GLT1D1: variants seen among roughly 807,000 people sequenced by gnomAD.
The protein encoded by GLT1D1 is glycosyltransferase 1 domain-containing protein 1.
GLT1D1 carries 21 observed loss-of-function variants against 28.7 expected under a neutral mutation model. The observed-to-expected ratio is 0.73, with a 90% CI of 0.52 to 1.05. The LOEUF is 1.05. Among genes scored for constraint, GLT1D1 ranks in the 50% least tolerant of loss-of-function variants. The pLI is 0.00. For synonymous variants in GLT1D1, 147 were observed against 124.8 expected, an observed-to-expected ratio of 1.18 and a Z score of -1.19; for missense variants, 343 against 330.6, an observed-to-expected ratio of 1.04 and a Z score of -0.29.
intron 7 of GLT1D1, 72 bp from the exon 12 acceptor site, chr12:128,982,857 A>C (rs1880472965): frequency 7.0e-7 from 1 of 1,418,644 alleles, no homozygotes; most frequent in South Asian, 1.2e-5. Context: ...ATGCAGACAC[A>C]GGATCTTGGG....
At position 128,888,724 on chromosome 12, in the gene GLT1D1, C is replaced by G; in HGVS notation, c.303C>G (p.Gly101=). The G allele has an allele frequency of 2.5e-6, 4 of 1,610,984 alleles. No homozygotes were observed. In the East Asian group the frequency reaches 6.7e-5, roughly 27 times the overall value. Residue 101 remains glycine, a synonymous_variant, in exon 3 of 8, where the codon GGC becomes GGG. Coordinates refer to ENST00000281703, the MANE Select transcript of GLT1D1 (RefSeq NM_144669.3). ...AGGCGGAAAAAAACACAGTCATGGGCAGAGTTCTTGAGGAAGCCAGGTAAT... is the reference window on the plus strand; with the variant it reads ...AGGCGGAAAAAAACACAGTCATGGGGAGAGTTCTTGAGGAAGCCAGGTAAT...
At chr12:128,937,938 G>A in intron 4 of GLT1D1, among the ~76,000 whole-genome samples, 1 of 152,154 alleles carries the variant, frequency 6.6e-6, no homozygotes, top group East Asian at 1.9e-4. Flanking sequence ...TTTATTAACA[G>A]TGCGAGAACA....
At chr12:128,960,011 T>A (rs553215872) in intron 7 of GLT1D1, among the ~76,000 whole-genome samples, 1 of 152,318 alleles carries the variant, frequency 6.6e-6, no homozygotes, top group East Asian at 1.9e-4. Context: ...TACAGCCTCT[T>A]GTAAGATACT....
At chr12:128,968,947 G>A (rs1165555130) in intron 7 of GLT1D1, among the ~76,000 whole-genome samples, 1 of 151,972 alleles carries the variant, frequency 6.6e-6, no homozygotes. Flanking sequence ...CTCCTCACTC[G>A]GCCCCGTCTT....
rs181159517 is a variant in GLT1D1, at chr12:128,854,684, A to T, written c.68+1035A>T. 1.6e-3 allele frequency among the ~76,000 whole-genome samples: 237 copies of T among 151,966 alleles called. 1 individual carries two copies. The highest frequency in any genetic ancestry group is 5.1e-3 in the African/African-American group (211 of 41,422). On this transcript the variant is annotated intron_variant, in intron 1 of 7. Transcript: ENST00000281703. ...GCTGATTTTTGTATTTTTAATAGAG[A>T]CAGGGTTTCACCATGTTGGCCAGGT...
chr12:128,863,987 C>A, intron 1 of GLT1D1: 13 of 268,512 alleles, frequency 4.8e-5, no homozygotes, highest in East Asian at 6.9e-5. Flanking sequence ...GATCTGAATA[C>A]TATCTGGAAG....
intron 3 of GLT1D1, among the ~76,000 whole-genome samples, chr12:128,891,365 G>C (rs1268534783): frequency 6.6e-6 from 1 of 152,144 alleles, no homozygotes; most frequent in Non-Finnish European, 1.5e-5. Flanking sequence ...CTGGCTGCTG[G>C]TGTTAGAAGA....
chr12:128,982,876 C>CA, intron 7 of GLT1D1, 53 bp from the exon 12 acceptor site: 1 of 1,583,658 alleles, frequency 6.3e-7, no homozygotes, highest in Non-Finnish European at 8.7e-7. Flanking sequence ...GGTGCATTTG[C>CA]AAAATCTCCC....
intron 4 of GLT1D1, among the ~76,000 whole-genome samples, chr12:128,918,969 T>C (rs893331678): frequency 7.9e-5 from 12 of 152,240 alleles, no homozygotes; most frequent in African/African-American, 2.9e-4. Context: ...TGTGTGCAAT[T>C]AGAAGTTGTA....
At chr12:128,870,040 A>G in intron 1 of GLT1D1, among the ~76,000 whole-genome samples, 1 of 149,946 alleles carries the variant, frequency 6.7e-6, no homozygotes, top group Admixed American at 6.7e-5. Flanking sequence ...CCTCCTGAAT[A>G]GCTGGCATTA....
intron 4 of GLT1D1, among the ~76,000 whole-genome samples, chr12:128,932,995 C>T (rs1874095471): frequency 6.6e-6 from 1 of 152,178 alleles, no homozygotes; most frequent in Non-Finnish European, 1.5e-5. Context: ...TCTGGACTCC[C>T]CCGGTCCCAC....
At chr12:128,945,422 C>T in intron 5 of GLT1D1, 53 bp downstream of exon 9, 2 of 1,366,302 alleles carry the variant, frequency 1.5e-6, no homozygotes, top group South Asian at 1.2e-5. Context: ...CTGAGTGGCC[C>T]CTGGGTTACC....
intron 4 of GLT1D1, among the ~76,000 whole-genome samples, chr12:128,919,578 A>T (rs1264321702): frequency 6.6e-6 from 1 of 152,226 alleles, no homozygotes; most frequent in Admixed American, 6.5e-5. Flanking sequence ...GCTTACCATT[A>T]TCTCACATAC....
chr12:128,929,171 G>A (rs1359518886), intron 4 of GLT1D1, among the ~76,000 whole-genome samples: 2 of 152,142 alleles, frequency 1.3e-5, no homozygotes, highest in African/African-American at 2.4e-5. Context: ...CATCTTTCCC[G>A]CACCTCAGTG....
chr12:128,862,965 G>A (rs114665308), intron 1 of GLT1D1, among the ~76,000 whole-genome samples: 1,533 of 152,270 alleles, frequency 0.01, 23 homozygotes, highest in African/African-American at 0.035. Context: ...GAATAGAGCC[G>A]ACCTAGTTCC....
intron 7 of GLT1D1, among the ~76,000 whole-genome samples, chr12:128,962,602 A>G (rs470651): frequency 0.42 from 63,909 of 152,080 alleles, 13,755 homozygotes; most frequent in Admixed American, 0.54. Flanking sequence ...CCTTGGGGTC[A>G]GACATACAGC....
chr12:128,886,244 C>T (rs1021327554), intron 2 of GLT1D1, among the ~76,000 whole-genome samples: 1 of 152,120 alleles, frequency 6.6e-6, no homozygotes, highest in Non-Finnish European at 1.5e-5. Flanking sequence ...TTGGGTATGT[C>T]GTTATCAACA....
intron 1 of GLT1D1, among the ~76,000 whole-genome samples, chr12:128,857,268 T>A (rs1054508809): frequency 1.3e-4 from 20 of 151,734 alleles, no homozygotes; most frequent in African/African-American, 4.6e-4. Context: ...TGCTAGGCCT[T>A]GGGGCTACAA....
In GLT1D1 at chr12:128,867,842, C is replaced by T. The variant is rs138123104; in HGVS notation, c.69-8072C>T. 9.3e-4 allele frequency among the ~76,000 whole-genome samples: 141 copies of T among 152,182 alleles called. 1 individual carries two copies. Among genetic ancestry groups the T allele is most frequent in the African/African-American group, 3.0e-3 (123 of 41,536 alleles). The stretch of plus-strand genomic sequence containing the variant: ...GAAAAGCTCGGAGGGACTGTGGGTC[C>T]GAGGGGGCAGAGGTCAATGGTCTGG... On this transcript the variant is annotated intron_variant, in intron 1 of 7. Transcript: ENST00000281703.
Sources: gnomAD v4.1 joint callset for allele counts (sites outside exome capture counted in the v4.1 genomes callset) on GRCh38, gnomAD v4.1.1 for gene constraint, MANE v1.5 for transcripts, NCBI Gene and HGNC (gene_info 2026-07-23, HGNC 2026-07-21) for gene names.